WWP1: variants seen among roughly 807,000 people sequenced by gnomAD.
WWP1 encodes NEDD4-like E3 ubiquitin-protein ligase WWP1.
A neutral mutation model predicts 130.6 loss-of-function variants in WWP1; 49 were observed. The ratio of observed to expected loss-of-function variants is 0.38; its 90% confidence interval spans 0.30 to 0.48. WWP1 has a LOEUF of 0.48. WWP1 is among the 20% of genes least tolerant of loss of function. The probability of loss-of-function intolerance (pLI) is 0.99; values close to 1 mark genes in which losing one functional copy is unlikely to be tolerated. For synonymous variants in WWP1, 332 were observed against 367.8 expected, an observed-to-expected ratio of 0.90 and a Z score of 1.11; for missense variants, 809 against 1,100.6, an observed-to-expected ratio of 0.74 and a Z score of 3.75.
At chr8:86,346,794 G>A (rs1822610727) in intron 1 of WWP1, among the ~76,000 whole-genome samples, 1 of 152,056 alleles carries the variant, frequency 6.6e-6, no homozygotes, top group Non-Finnish European at 1.5e-5. Flanking sequence ...TGGTATCCAA[G>A]GAACTAGTTA....
chr8:86,377,096 T>G lies in WWP1; in HGVS notation c.70+2976T>G, dbSNP rs541734892. On this transcript the variant is annotated intron_variant, in intron 3 of 24. Coordinates refer to ENST00000517970, the MANE Select transcript of WWP1 (RefSeq NM_007013.4). Reference sequence around the variant, plus strand: ...CAAAGACCTCTGTATTGATTTTTTCTTTTTTTTGAAATGGAGTCTTGCTCT... The same window carrying G: ...CAAAGACCTCTGTATTGATTTTTTCGTTTTTTTGAAATGGAGTCTTGCTCT... Among the ~76,000 whole-genome samples the G allele has an allele frequency of 8.6e-4, 130 of 151,658 alleles. 1 individual carries two copies. Among genetic ancestry groups the G allele is most frequent in the Non-Finnish European group, 1.5e-3 (104 of 67,778 alleles).
intron 5 of WWP1, among the ~76,000 whole-genome samples, chr8:86,397,358 A>G (rs1381139249): frequency 6.6e-6 from 1 of 152,220 alleles, no homozygotes; most frequent in Non-Finnish European, 1.5e-5. Flanking sequence ...GTATATATTT[A>G]TGGGGTATGG....
intron 11 of WWP1, among the ~76,000 whole-genome samples, 173 bp from the exon 12 acceptor site, chr8:86,430,524 A>T (rs9656826): frequency 0.13 from 19,764 of 151,716 alleles, 3,417 homozygotes; most frequent in African/African-American, 0.4. Flanking sequence ...TAATCCTCCC[A>T]CCTTGCCCTC....
chr8:86,383,885 T>C (rs539350334), intron 5 of WWP1, among the ~76,000 whole-genome samples: 1 of 152,314 alleles, frequency 6.6e-6, no homozygotes, highest in African/African-American at 2.4e-5. Context: ...CCTGCACACC[T>C]AAGAAGTCGG....
intron 1 of WWP1, among the ~76,000 whole-genome samples, chr8:86,367,521 C>T (rs969571908): frequency 3.9e-5 from 6 of 152,082 alleles, no homozygotes; most frequent in African/African-American, 1.2e-4. Context: ...CTGGAAATGT[C>T]GTTTATTATC....
Position 86,368,358 on chromosome 8 carries a change from C to T in WWP1, c.-114-581C>T, listed in dbSNP as rs200228718. On this transcript the variant is annotated intron_variant, in intron 1 of 24. Transcript: ENST00000517970. The stretch of plus-strand genomic sequence containing the variant: ...CTTCTCTCTATCCTGGTTAGGGAAC[C>T]ATCATCCACTCAGACAATGAAGTGG... Among the ~76,000 whole-genome samples, 8 of 152,158 alleles carry T rather than the reference C, an allele frequency of 5.3e-5. No individual in the cohort carries two copies. The East Asian group carries it at 1.2e-3, about 22-fold the overall frequency.
Position 86,462,928 on chromosome 8 carries a change from C to T in WWP1, c.2669+1082C>T, listed in dbSNP as rs540893660. 1.8e-3 allele frequency among the ~76,000 whole-genome samples: 279 copies of T among 151,310 alleles called. 2 individuals are homozygous for T. Among genetic ancestry groups the T allele is most frequent in the African/African-American group, 6.5e-3 (267 of 41,264 alleles). On this transcript the variant is annotated intron_variant, in intron 24 of 24. Coordinates refer to ENST00000517970, the MANE Select transcript of WWP1 (RefSeq NM_007013.4). ...AAGTTCGTTGAAGTTCTTTATGAAG[C>T]AGTAAAAATTACTAACTTTATTAAA...
At chr8:86,370,733 A>G (rs192142014) in intron 2 of WWP1, among the ~76,000 whole-genome samples, 43 of 152,152 alleles carry the variant, frequency 2.8e-4, no homozygotes, top group African/African-American at 8.7e-4. Context: ...AGAATGTTAA[A>G]TCTTGGAGAC....
At chr8:86,364,833 A>AAGAG (rs1012959189) in intron 1 of WWP1, among the ~76,000 whole-genome samples, 11,132 of 113,610 alleles carry the variant, frequency 0.098, 1,496 homozygotes, top group African/African-American at 0.31. Context: ...GAAAGAAAGA[A>AAGAG]AGAGAGAGAG....
chr8:86,448,610 G>GGTGA, intron 20 of WWP1, 97 bp downstream of exon 20: 1 of 1,237,556 alleles, frequency 8.1e-7, no homozygotes, highest in East Asian at 2.6e-5. Context: ...CATGCCTTTG[G>GGTGA]GAAGTTCTTC....
intron 18 of WWP1, 103 bp downstream of exon 18, chr8:86,442,881 C>T (rs1810666362): frequency 7.2e-6 from 9 of 1,249,984 alleles, no homozygotes; most frequent in Non-Finnish European, 8.5e-6. Context: ...TTGCTATTCA[C>T]AAGTTTTGTT....
rs1283955517 is a variant in WWP1 at position 86,349,381 on chromosome 8, T to C, written c.-115+6451T>C. On this transcript the variant is annotated intron_variant, in intron 1 of 24. Coordinates refer to ENST00000517970, the MANE Select transcript of WWP1 (RefSeq NM_007013.4). ...ATACAGTATCATTTCTGCCTTATTA[T>C]ACTGGTTAAAGCAAGTCACAAATCT... Among the ~76,000 whole-genome samples, 3 of 152,222 alleles carry C rather than the reference T, an allele frequency of 2.0e-5. No individual in the cohort carries two copies. The East Asian group carries it at 5.8e-4, about 29-fold the overall frequency.
chr8:86,444,158 G>C (rs1182497215), intron 18 of WWP1, among the ~76,000 whole-genome samples: 1 of 152,184 alleles, frequency 6.6e-6, no homozygotes, highest in East Asian at 1.9e-4. Flanking sequence ...GAGGAAGTGA[G>C]AAGTGATTTG....
intron 2 of WWP1, among the ~76,000 whole-genome samples, chr8:86,373,461 A>T (rs1446818291): frequency 2.0e-5 from 3 of 151,846 alleles, no homozygotes; most frequent in African/African-American, 7.3e-5. Flanking sequence ...TGTAGTTTTT[A>T]CTGTATTTTG....
At chr8:86,439,972 A>G (rs1247119777) in intron 17 of WWP1, among the ~76,000 whole-genome samples, 1 of 152,204 alleles carries the variant, frequency 6.6e-6, no homozygotes, top group African/African-American at 2.4e-5. Flanking sequence ...GTAATAATAT[A>G]TGTGGAATTA....
At chr8:86,422,819 G>A (rs1200083685) in intron 9 of WWP1, among the ~76,000 whole-genome samples, 3 of 152,114 alleles carry the variant, frequency 2.0e-5, no homozygotes, top group Non-Finnish European at 4.4e-5. Context: ...AGATAAAAAC[G>A]TCATTTCCAT....
chr8:86,420,935 T>A (rs2130617709), intron 9 of WWP1, among the ~76,000 whole-genome samples: 1 of 152,316 alleles, frequency 6.6e-6, no homozygotes, highest in South Asian at 2.1e-4. Context: ...AAGGACTGCT[T>A]ATGGGAATTA....
chr8:86,342,708 G>A lies in WWP1; in HGVS notation c.-337G>A, dbSNP rs1287033355. 2 of 332,644 alleles carry A rather than the reference G, an allele frequency of 6.0e-6. No individual in the cohort carries two copies. The highest frequency in any genetic ancestry group is 1.5e-4 in the South Asian group (1 of 6,622). The allele number at this position is 332,644 out of a possible 1,614,324, so 20.6% of individuals were successfully genotyped here. On this transcript the variant is annotated 5_prime_UTR_variant, in exon 1 of 25. Coordinates refer to ENST00000517970, the MANE Select transcript of WWP1 (RefSeq NM_007013.4). ...GGTCGGCTGGGGGTGGCGCGTGGAC[G>A]GGGTGGGGGTGGGGGGAGGGTCGGG...
chr8:86,375,529 T>C (rs1013943212), intron 3 of WWP1, among the ~76,000 whole-genome samples: 2 of 152,054 alleles, frequency 1.3e-5, no homozygotes, highest in Non-Finnish European at 2.9e-5. Flanking sequence ...CTCCTCTTAA[T>C]CTCCTAATTC....
Sources: allele counts gnomAD v4.1 joint callset (sites outside exome capture counted in the v4.1 genomes callset), GRCh38; gene constraint gnomAD v4.1.1; transcripts MANE v1.5; gene names NCBI Gene and HGNC (gene_info 2026-07-23, HGNC 2026-07-21).